The following MAGI2 variants were observed in gnomAD, a reference collection of about 807,000 sequenced individuals.
MAGI2 encodes the protein membrane-associated guanylate kinase, WW and PDZ domain-containing protein 2.
Under a neutral mutation model 133.3 loss-of-function variants are expected in MAGI2, and 35 were observed. That is an observed-to-expected ratio of 0.26 (90% CI 0.20 to 0.35). MAGI2 has a LOEUF of 0.35. Among genes scored for constraint, MAGI2 ranks in the 10% least tolerant of loss-of-function variants. MAGI2 has a pLI of 1.00. For missense variants in MAGI2, 1,636 were observed against 1,863.4 expected (o/e 0.88, Z 2.25); for synonymous variants, 729 against 710.6 (o/e 1.03, Z -0.41).
intron 9 of MAGI2, among the ~76,000 whole-genome samples, chr7:78,335,544 C>G (rs1789672959): frequency 6.6e-6 from 1 of 152,054 alleles, no homozygotes; most frequent in South Asian, 2.1e-4. Context: ...GCACCACACT[C>G]TAGTAAAATA....
At chr7:79,375,853 T>A (rs1843343437) in intron 1 of MAGI2, among the ~76,000 whole-genome samples, 1 of 151,908 alleles carries the variant, frequency 6.6e-6, no homozygotes, top group South Asian at 2.1e-4. Context: ...TTTAAAATAT[T>A]AAATACCTTT....
At chr7:78,439,086 G>T (rs1026767988) in intron 6 of MAGI2, among the ~76,000 whole-genome samples, 1 of 152,284 alleles carries the variant, frequency 6.6e-6, no homozygotes, top group South Asian at 2.1e-4. Flanking sequence ...TGTCAAAAAT[G>T]ATTTCTGAGT....
intron 1 of MAGI2, among the ~76,000 whole-genome samples, chr7:79,244,535 T>C (rs1413221216): frequency 6.6e-6 from 1 of 152,112 alleles, no homozygotes; most frequent in African/African-American, 2.4e-5. Context: ...CAGAAGTCAG[T>C]GGATGCCCAT....
chr7:78,773,092 C>A (rs1563486909), intron 2 of MAGI2, among the ~76,000 whole-genome samples: 1 of 151,970 alleles, frequency 6.6e-6, no homozygotes, highest in African/African-American at 2.4e-5. Context: ...AGACATATTA[C>A]CTTAGATCAG....
At chr7:78,026,976 GT>G (rs1464875360) in intron 21 of MAGI2, among the ~76,000 whole-genome samples, 1 of 152,180 alleles carries the variant, frequency 6.6e-6, no homozygotes, top group Non-Finnish European at 1.5e-5. Flanking sequence ...ATTAACTCAT[GT>G]TAATACATGT....
chr7:78,904,525 C>CT lies in MAGI2; in HGVS notation c.418+102564dup, dbSNP rs10665131. On this transcript the variant is annotated intron_variant, in intron 2 of 21. Coordinates refer to ENST00000354212, the MANE Select transcript of MAGI2 (RefSeq NM_012301.4). ...TAGCATACTAAATAATAACGCAGTTCTTTTTTTTTTTTTTTTGAGACAGAG... is the reference window on the plus strand; with the variant it reads ...TAGCATACTAAATAATAACGCAGTTCTTTTTTTTTTTTTTTTTGAGACAGAG... 9.0e-3 allele frequency among the ~76,000 whole-genome samples: 1,209 copies of CT among 134,752 alleles called. 48 individuals are homozygous for CT. Among genetic ancestry groups the CT allele is most frequent in the African/African-American group, 0.026 (910 of 35,672 alleles). The allele number at this position is 134,752 out of a possible 152,430, so 88.4% of individuals were successfully genotyped here.
intron 10 of MAGI2, among the ~76,000 whole-genome samples, chr7:78,204,743 T>C (rs181934429): frequency 3.5e-4 from 53 of 152,302 alleles, no homozygotes; most frequent in African/African-American, 1.0e-3. Context: ...TCTTGCGTCT[T>C]ATGATAAAAG....
intron 6 of MAGI2, among the ~76,000 whole-genome samples, chr7:78,449,836 G>C (rs1267733927): frequency 6.6e-6 from 1 of 152,030 alleles, no homozygotes; most frequent in Non-Finnish European, 1.5e-5. Context: ...CAGGTAATCA[G>C]AAGAGAATTA....
intron 1 of MAGI2, among the ~76,000 whole-genome samples, chr7:79,210,431 G>T (rs947906257): frequency 2.6e-5 from 4 of 151,984 alleles, no homozygotes; most frequent in African/African-American, 9.7e-5. Flanking sequence ...CCAGGTAATT[G>T]CTCATGTGTG....
chr7:79,379,888 T>C (rs1421715969), intron 1 of MAGI2, among the ~76,000 whole-genome samples: 1 of 151,662 alleles, frequency 6.6e-6, no homozygotes, highest in African/African-American at 2.4e-5. Context: ...GTAAATTTGT[T>C]TGAGTGGAAA....
intron 1 of MAGI2, among the ~76,000 whole-genome samples, chr7:79,166,164 T>C (rs910164399): frequency 1.3e-5 from 2 of 152,082 alleles, no homozygotes; most frequent in African/African-American, 4.8e-5. Context: ...AACATTCCCA[T>C]GCCTTGAATG....
In MAGI2 at chr7:78,781,611, G is replaced by C. The variant is rs117050162; in HGVS notation, c.419-154372C>G. Among the ~76,000 whole-genome samples the C allele has an allele frequency of 6.7e-3, 1,016 of 151,992 alleles. 5 individuals carry two copies. Among genetic ancestry groups the C allele is most frequent in the Non-Finnish European group, 0.011 (728 of 67,968 alleles). On this transcript the variant is annotated intron_variant, in intron 2 of 21. Coordinates refer to ENST00000354212, the MANE Select transcript of MAGI2 (RefSeq NM_012301.4). ...TCCCTCTTCAAGATTTATGATAAAG[G>C]GGAGAAAAAGAAATAACCTACATAT... is the stretch of plus-strand genomic sequence containing the variant.
In MAGI2 at chr7:79,394,524, G is replaced by A. The variant is rs114195956; in HGVS notation, c.301+58496C>T. Reference sequence around the variant, plus strand: ...TGTGGCATACCATGAATAAAATCCTGCCCCAAGATACATAATTACAGTAGA... The same window carrying A: ...TGTGGCATACCATGAATAAAATCCTACCCCAAGATACATAATTACAGTAGA... On this transcript the variant is annotated intron_variant, in intron 1 of 21. Transcript: ENST00000354212. Among the ~76,000 whole-genome samples, 431 of 152,190 alleles carry A rather than the reference G, an allele frequency of 2.8e-3. 3 individuals are homozygous for A. Among genetic ancestry groups the A allele is most frequent in the African/African-American group, 0.01 (422 of 41,522 alleles).
Position 78,160,376 on chromosome 7 carries a change from A to T in MAGI2, c.2597-103T>A, listed in dbSNP as rs966875935. On this transcript the variant is annotated intron_variant, in intron 15 of 21. Transcript: ENST00000354212. ...TTCTAGACAGTGGTATTGTTACAAG[A>T]CTGGTTGAACTGCTTCTCTTTCTCC... is the stretch of plus-strand genomic sequence containing the variant. The T allele has an allele frequency of 3.4e-6, 4 of 1,178,068 alleles. No homozygotes were observed. In the African/African-American group the frequency reaches 6.2e-5, roughly 18 times the overall value. 73.0% of individuals were successfully genotyped at this position (1,178,068 alleles called of 1,614,324 possible). A position where few individuals can be genotyped will look rare whatever the true frequency, so the allele number is the denominator to read the frequency against.
chr7:78,791,285 T>C lies in MAGI2; in HGVS notation c.419-164046A>G, dbSNP rs1434212604. On this transcript the variant is annotated intron_variant, in intron 2 of 21. Coordinates refer to ENST00000354212, the MANE Select transcript of MAGI2 (RefSeq NM_012301.4). ...AAATGCAAATCAAAACAAGATGACA[T>C]TTTCTGCTTTGAAATTGGAAAAGTT... Among the ~76,000 whole-genome samples the C allele has an allele frequency of 2.0e-5, 3 of 152,150 alleles. No individual in the cohort carries two copies. In the East Asian group the frequency reaches 5.8e-4, roughly 29 times the overall value.
At chr7:79,365,784 C>G (rs993478675) in intron 1 of MAGI2, among the ~76,000 whole-genome samples, 1 of 133,720 alleles carries the variant, frequency 7.5e-6, no homozygotes, top group African/African-American at 2.8e-5. Context: ...GGCTTGAACC[C>G]AGGTGGTGGA....
intron 1 of MAGI2, among the ~76,000 whole-genome samples, chr7:79,128,948 G>A (rs1006267993): frequency 3.5e-4 from 53 of 152,138 alleles, no homozygotes; most frequent in African/African-American, 1.1e-3. Flanking sequence ...TCGGCTCACT[G>A]CAACCTCCAT....
chr7:78,761,320 G>T (rs1334447932), intron 2 of MAGI2, among the ~76,000 whole-genome samples: 1 of 152,164 alleles, frequency 6.6e-6, no homozygotes, highest in Non-Finnish European at 1.5e-5. Context: ...ACCTTCCATA[G>T]TCATAATTTG....
intron 2 of MAGI2, among the ~76,000 whole-genome samples, chr7:78,641,433 A>G (rs1358828556): frequency 6.6e-6 from 1 of 152,218 alleles, no homozygotes; most frequent in African/African-American, 2.4e-5. Flanking sequence ...CATAATACAT[A>G]AACAAATGAG....
Sources: allele counts gnomAD v4.1 joint callset (sites outside exome capture counted in the v4.1 genomes callset), GRCh38; gene constraint gnomAD v4.1.1; transcripts MANE v1.5; gene names NCBI Gene and HGNC (gene_info 2026-07-23, HGNC 2026-07-21).